Variants in LCORL observed in about 807,000 individuals in gnomAD.
LCORL encodes ligand dependent nuclear receptor corepressor like, also known as ligand-dependent nuclear receptor corepressor-like protein.
Under a neutral mutation model 141.8 loss-of-function variants are expected in LCORL, and 41 were observed. That is an observed-to-expected ratio of 0.29 (90% confidence interval 0.23 to 0.38). LCORL has a LOEUF of 0.38. Ranked by LOEUF, LCORL falls within the 10% of genes least tolerant of loss-of-function variation. LCORL has a pLI of 1.00. For missense variants in LCORL, 1,759 were observed against 2,035.0 expected (o/e 0.86, Z 2.61); for synonymous variants, 618 against 694.1 (o/e 0.89, Z 1.72).
In LCORL at chr4:17,876,858, T is replaced by C. The variant is rs561382026; in HGVS notation, c.2132A>G (p.Asn711Ser). The change falls in exon 7 of 8, where the codon AAC becomes AGC. Residue 711 changes from asparagine to serine, a missense_variant. Physicochemically the swap from Asn to Ser is conservative, Grantham distance 46. Coordinates refer to ENST00000635767, the Ensembl canonical transcript of LCORL. ...TTCTGAAAATTCATTAAAAGACAAG[T>C]TAGTTTCTGAACTATGAAGAGGTAG... 3.2e-6 allele frequency: 4 copies of C among 1,230,788 alleles called. No individual in the cohort carries two copies. The Admixed American group carries it at 1.7e-4, about 52-fold the overall frequency. The allele number at this position is 1,230,788 out of a possible 1,614,324, so 76.2% of individuals were successfully genotyped here. A position where few individuals can be genotyped will look rare whatever the true frequency, so the allele number is the denominator to read the frequency against.
chr4:17,919,618 AAG>A (rs1289503728), intron 4 of LCORL, among the ~76,000 whole-genome samples: 1 of 152,214 alleles, frequency 6.6e-6, no homozygotes, highest in African/African-American at 2.4e-5. Context: ...ACTATGTCTA[AAG>A]AAGTACCCAT....
chr4:17,994,777 G>A (rs1560457659), intron 1 of LCORL, among the ~76,000 whole-genome samples: 6 of 148,056 alleles, frequency 4.1e-5, no homozygotes, highest in East Asian at 2.0e-4. Flanking sequence ...GAGTAATAGG[G>A]AAAAAAAAAA....
chr4:17,939,826 G>C (rs1737534998), intron 4 of LCORL, among the ~76,000 whole-genome samples: 1 of 151,070 alleles, frequency 6.6e-6, no homozygotes, highest in Admixed American at 6.6e-5. Flanking sequence ...GAAGCCAGGA[G>C]AGGGGATGAA....
intron 1 of LCORL, 100 bp from the exon 2 acceptor site, chr4:17,972,985 A>G (rs1716264855): frequency 2.1e-6 from 1 of 478,198 alleles, no homozygotes; most frequent in Admixed American, 4.3e-5. Context: ...TTAATTTAAC[A>G]TACCATAAAT....
exon 8 of LCORL, chr4:17,845,195 G>A (rs1016376073): frequency 6.6e-6 from 1 of 152,536 alleles, no homozygotes; most frequent in African/African-American, 2.4e-5. Flanking sequence ...ACATTTTCCT[G>A]TGAATGGGAA....
At chr4:17,940,114 GTGTATATATATATGTATA>G (rs1341428792) in intron 4 of LCORL, among the ~76,000 whole-genome samples, 3 of 125,344 alleles carry the variant, frequency 2.4e-5, no homozygotes, top group Non-Finnish European at 4.5e-5. Flanking sequence ...ATATATGTGT[GTGTATATATATATGTATA>G]TGTGTATATA....
intron 1 of LCORL, among the ~76,000 whole-genome samples, chr4:18,017,251 T>G (rs990349207): frequency 6.6e-6 from 1 of 152,142 alleles, no homozygotes; most frequent in Non-Finnish European, 1.5e-5. Context: ...TATGTCTGAA[T>G]GTCAACTAAT....
chr4:17,997,795 G>A (rs980477540), intron 1 of LCORL, among the ~76,000 whole-genome samples: 1 of 151,976 alleles, frequency 6.6e-6, no homozygotes, highest in East Asian at 1.9e-4. Flanking sequence ...GTTAGTAATG[G>A]ACACAATGGT....
chr4:17,845,980 T>A, intron 7 of LCORL, 79 bp from the exon 8 acceptor site: 1 of 1,213,414 alleles, frequency 8.2e-7, no homozygotes, highest in Admixed American at 2.2e-5. Flanking sequence ...AACATTTAGT[T>A]GTAGTAGTGT....
intron 4 of LCORL, among the ~76,000 whole-genome samples, chr4:17,926,899 CAA>C (rs1328965495): frequency 1.3e-5 from 2 of 152,210 alleles, no homozygotes; most frequent in African/African-American, 4.8e-5. Context: ...GCACTGGCTT[CAA>C]GTTAAAGCCA....
At chr4:17,860,037 T>A (rs1459055913) in intron 7 of LCORL, among the ~76,000 whole-genome samples, 1 of 152,072 alleles carries the variant, frequency 6.6e-6, no homozygotes, top group Admixed American at 6.6e-5. Context: ...AATATTGGGA[T>A]AGGAAAAATC....
At chr4:17,961,058 T>C (rs948607112) in intron 4 of LCORL, among the ~76,000 whole-genome samples, 18 of 152,122 alleles carry the variant, frequency 1.2e-4, no homozygotes, top group Non-Finnish European at 2.4e-4. Flanking sequence ...AGTAGAAAAA[T>C]ATCTAGTGAT....
At chr4:17,848,540 A>G (rs1381392223) in intron 7 of LCORL, among the ~76,000 whole-genome samples, 1 of 152,178 alleles carries the variant, frequency 6.6e-6, no homozygotes. Flanking sequence ...TTGAAGAGAC[A>G]GGGCTGGAGC....
intron 4 of LCORL, among the ~76,000 whole-genome samples, chr4:17,931,726 T>C (rs1736075313): frequency 6.6e-6 from 1 of 152,140 alleles, no homozygotes; most frequent in South Asian, 2.1e-4. Context: ...ACTTAATATA[T>C]AAAAATTTTT....
intron 1 of LCORL, among the ~76,000 whole-genome samples, chr4:18,015,980 T>C (rs1245192884): frequency 1.3e-5 from 2 of 152,082 alleles, no homozygotes; most frequent in East Asian, 3.9e-4. Flanking sequence ...AGGATTAGAC[T>C]AAGTGATACC....
chr4:17,849,176 C>T (rs1370568244), intron 7 of LCORL, among the ~76,000 whole-genome samples: 1 of 152,182 alleles, frequency 6.6e-6, no homozygotes, highest in Non-Finnish European at 1.5e-5. Context: ...TTGAAGAGAG[C>T]AGTGGTTCTC....
At chr4:17,881,105 C>T in intron 6 of LCORL, 1 of 982,590 alleles carries the variant, frequency 1.0e-6, no homozygotes, top group African/African-American at 1.8e-5. Flanking sequence ...GTTTAAACAA[C>T]TTTACTGAGC....
intron 4 of LCORL, among the ~76,000 whole-genome samples, chr4:17,925,068 T>C (rs1286020793): frequency 2.6e-5 from 4 of 152,144 alleles, no homozygotes; most frequent in African/African-American, 7.2e-5. Context: ...GGCCTAGAGA[T>C]GTTAGTTCCA....
intron 4 of LCORL, among the ~76,000 whole-genome samples, chr4:17,941,248 C>T (rs370310933): frequency 3.9e-5 from 6 of 152,010 alleles, no homozygotes; most frequent in African/African-American, 1.4e-4. Flanking sequence ...TGGTGGTGGG[C>T]ACCTATAGTC....
Sources: gnomAD v4.1 joint callset for allele counts (sites outside exome capture counted in the v4.1 genomes callset) on GRCh38, gnomAD v4.1.1 for gene constraint, MANE v1.5 for transcripts, NCBI Gene and HGNC (gene_info 2026-07-23, HGNC 2026-07-21) for gene names.